KCNN2: variants seen among roughly 807,000 people sequenced by gnomAD.
KCNN2 encodes potassium calcium-activated channel subfamily N member 2.
Under a neutral mutation model 55.5 loss-of-function variants are expected in KCNN2, and 24 were observed. The ratio of observed to expected loss-of-function variants is 0.43; its 90% confidence interval spans 0.31 to 0.61. The LOEUF (loss-of-function observed/expected upper bound fraction) is 0.61. Ranked by LOEUF, KCNN2 falls within the 20% of genes least tolerant of loss-of-function variation. KCNN2 has a pLI of 0.08. For missense variants in KCNN2, 754 were observed against 853.6 expected, an observed-to-expected ratio of 0.88 and a Z score of 1.45; for synonymous variants, 431 against 336.1, an observed-to-expected ratio of 1.28 and a Z score of -3.09.
At chr5:114,399,427 C>G (rs1424953736) in intron 2 of KCNN2, among the ~76,000 whole-genome samples, 1 of 152,144 alleles carries the variant, frequency 6.6e-6, no homozygotes, top group East Asian at 1.9e-4. Flanking sequence ...TTGAACCAAC[C>G]TTGCGTCCCA....
At chr5:114,086,443 C>T (rs1751017417) in intron 1 of KCNN2, among the ~76,000 whole-genome samples, 1 of 151,176 alleles carries the variant, frequency 6.6e-6, no homozygotes. Context: ...TTTCCTTGCC[C>T]ATCTAGTAGT....
At chr5:114,343,104 T>A (rs1757046815) in intron 2 of KCNN2, among the ~76,000 whole-genome samples, 1 of 152,220 alleles carries the variant, frequency 6.6e-6, no homozygotes, top group South Asian at 2.1e-4. Flanking sequence ...CTTGCTACAT[T>A]TAATTTATCA....
At position 114,190,048 on chromosome 5, in the gene KCNN2, GA is replaced by G. The variant is rs558902014; in HGVS notation, c.-270-31426del. 2.2e-3 allele frequency among the ~76,000 whole-genome samples: 327 copies of G among 151,966 alleles called. 1 individual carries two copies. The highest frequency in any genetic ancestry group is 7.5e-3 in the African/African-American group (312 of 41,468). ...TGGAAGGAATTCTTTAAAACAAGAT[GA>G]AAAAATAAAAAATTGATAATTTGGC... On this transcript the variant is annotated intron_variant, in intron 1 of 10. Coordinates refer to the KCNN2 transcript ENST00000512097.
At chr5:114,178,062 T>C (rs1368638451) in intron 1 of KCNN2, among the ~76,000 whole-genome samples, 1 of 152,212 alleles carries the variant, frequency 6.6e-6, no homozygotes, top group African/African-American at 2.4e-5. Flanking sequence ...TGATATCTTT[T>C]TGTATTCTTC....
chr5:114,246,536 T>G (rs982368297), intron 2 of KCNN2, among the ~76,000 whole-genome samples: 1 of 152,154 alleles, frequency 6.6e-6, no homozygotes, highest in African/African-American at 2.4e-5. Flanking sequence ...TGATTAATAA[T>G]TATACCAAGT....
intron 1 of KCNN2, among the ~76,000 whole-genome samples, chr5:114,156,149 C>G (rs114829723): frequency 0.018 from 2,728 of 152,164 alleles, 76 homozygotes; most frequent in African/African-American, 0.062. Context: ...AATCTTTTGC[C>G]ATTGTTTGTT....
chr5:114,114,181 G>A (rs72797635), intron 1 of KCNN2, among the ~76,000 whole-genome samples: 17,465 of 151,994 alleles, frequency 0.11, 1,169 homozygotes, highest in Middle Eastern at 0.22. Flanking sequence ...TTAAATTGAT[G>A]CAGACTCTTC....
chr5:114,372,492 T>A (rs746270391), intron 2 of KCNN2, among the ~76,000 whole-genome samples: 1 of 152,174 alleles, frequency 6.6e-6, no homozygotes, highest in East Asian at 1.9e-4. Flanking sequence ...AGTCTATTAG[T>A]GATATCCAAG....
intron 2 of KCNN2, among the ~76,000 whole-genome samples, chr5:114,350,469 C>G (rs1297632069): frequency 6.6e-6 from 1 of 151,716 alleles, no homozygotes; most frequent in African/African-American, 2.4e-5. Flanking sequence ...TTTGATTAAG[C>G]CCAATTTGTC....
intron 1 of KCNN2, among the ~76,000 whole-genome samples, chr5:114,141,355 C>T (rs1204516910): frequency 6.6e-6 from 1 of 152,034 alleles, no homozygotes; most frequent in Non-Finnish European, 1.5e-5. Flanking sequence ...GTTCAATTCC[C>T]ACCTATGAGT....
chr5:114,388,113 C>CT, intron 2 of KCNN2, among the ~76,000 whole-genome samples: 1 of 152,186 alleles, frequency 6.6e-6, no homozygotes, highest in Non-Finnish European at 1.5e-5. Context: ...TTACAACTTG[C>CT]TTTTTTGTAC....
chr5:114,197,867 T>A (rs1399204169), intron 1 of KCNN2, among the ~76,000 whole-genome samples: 1 of 152,170 alleles, frequency 6.6e-6, no homozygotes, highest in African/African-American at 2.4e-5. Flanking sequence ...TGCCACAGAT[T>A]CTTACTTTTC....
At chr5:114,392,495 A>G (rs1758475630) in intron 2 of KCNN2, among the ~76,000 whole-genome samples, 1 of 152,214 alleles carries the variant, frequency 6.6e-6, no homozygotes, top group South Asian at 2.1e-4. Flanking sequence ...ACTTCAAGAC[A>G]GAGGAAGGTT....
chr5:114,449,769 T>C (rs367810369), intron 3 of KCNN2, among the ~76,000 whole-genome samples: 1 of 152,104 alleles, frequency 6.6e-6, no homozygotes, highest in Non-Finnish European at 1.5e-5. Context: ...ATTTAAGAGA[T>C]AAGATCTGGT....
rs1175218618 is a variant in KCNN2 at position 114,373,657 on chromosome 5, T to TATATATATATATATATATATATATAA, written c.1218+9657_1218+9658insTATATATATATATATATATATATAAA. On this transcript the variant is annotated intron_variant, in intron 2 of 7. Transcript: ENST00000673685. ...TGAAGATTTTATATATATATATATA[T>TATATATATATATATATATATATATAA]AAAATTACTTGGAACACTGCCTGGC... is the stretch of plus-strand genomic sequence containing the variant. Among the ~76,000 whole-genome samples, 16 of 117,636 alleles carry TATATATATATATATATATATATATAA rather than the reference T, an allele frequency of 1.4e-4. No individual in the cohort carries two copies. In the Admixed American group the frequency reaches 1.4e-3, roughly 11 times the overall value. 77.2% of individuals were successfully genotyped at this position (117,636 alleles called of 152,430 possible). A position where few individuals can be genotyped will look rare whatever the true frequency, so the allele number is the denominator to read the frequency against.
At chr5:114,472,132 C>A (rs1438740708) in intron 4 of KCNN2, among the ~76,000 whole-genome samples, 1 of 152,144 alleles carries the variant, frequency 6.6e-6, no homozygotes, top group Non-Finnish European at 1.5e-5. Flanking sequence ...TCCTCACATG[C>A]CCCCTTCCCT....
At chr5:114,134,589 C>A (rs1752136402) in intron 1 of KCNN2, among the ~76,000 whole-genome samples, 1 of 151,824 alleles carries the variant, frequency 6.6e-6, no homozygotes, top group African/African-American at 2.4e-5. Flanking sequence ...CATTCTCCTG[C>A]CTAAGCCTCC....
intron 2 of KCNN2, among the ~76,000 whole-genome samples, chr5:114,289,819 A>G (rs1755845084): frequency 6.6e-6 from 1 of 152,196 alleles, no homozygotes; most frequent in African/African-American, 2.4e-5. Context: ...CCATTTATTT[A>G]GGTCTTTTAA....
chr5:114,241,736 A>ATGTG (rs1561536956), intron 2 of KCNN2, among the ~76,000 whole-genome samples: 18 of 27,594 alleles, frequency 6.5e-4, no homozygotes, highest in African/African-American at 1.8e-3. Context: ...ATATATACAT[A>ATGTG]TATACGTATA....
Sources: allele counts gnomAD v4.1 joint callset (sites outside exome capture counted in the v4.1 genomes callset), GRCh38; gene constraint gnomAD v4.1.1; transcripts MANE v1.5; gene names NCBI Gene and HGNC (gene_info 2026-07-23, HGNC 2026-07-21).